THADA: variants seen among roughly 807,000 people sequenced by gnomAD.
THADA encodes the protein THADA armadillo repeat containing, also known as tRNA (32-2'-O)-methyltransferase regulator THADA.
A neutral mutation model predicts 219.8 loss-of-function variants in THADA; 213 were observed. That is an observed-to-expected ratio of 0.97 (90% CI 0.87 to 1.09). The LOEUF (loss-of-function observed/expected upper bound fraction) is 1.09, where lower values mean the gene tolerates loss of function less well. Among genes scored for constraint, THADA ranks in the 50% least tolerant of loss-of-function variants. THADA has a pLI of 0.00. For synonymous variants in THADA, 1,018 were observed against 828.9 expected, an observed-to-expected ratio of 1.23 and a Z score of -3.92; for missense variants, 2,956 against 2,311.3, an observed-to-expected ratio of 1.28 and a Z score of -5.72.
chr2:43,498,024 G>C (rs1192167169), intron 25 of THADA, among the ~76,000 whole-genome samples: 1 of 152,060 alleles, frequency 6.6e-6, no homozygotes, highest in Non-Finnish European at 1.5e-5. Flanking sequence ...ATTAAAAAAA[G>C]AAAATGTGGG....
chr2:43,588,885 GATTAA>G (rs1574392209), intron 4 of THADA, among the ~76,000 whole-genome samples: 1 of 152,004 alleles, frequency 6.6e-6, no homozygotes, highest in East Asian at 1.9e-4. Context: ...ATGGGGAAGT[GATTAA>G]ATTACTTTAT....
chr2:43,389,545 C>A (rs1422801454), intron 29 of THADA, among the ~76,000 whole-genome samples: 1 of 152,104 alleles, frequency 6.6e-6, no homozygotes, highest in East Asian at 1.9e-4. Flanking sequence ...TCTTGCAAAC[C>A]CCACTTTGAA....
At chr2:43,284,324 C>T (rs1234710799) in intron 35 of THADA, among the ~76,000 whole-genome samples, 1 of 152,170 alleles carries the variant, frequency 6.6e-6, no homozygotes, top group Non-Finnish European at 1.5e-5. Flanking sequence ...AGGCCCAGGG[C>T]CCAGCTGCTC....
intron 26 of THADA, among the ~76,000 whole-genome samples, chr2:43,460,494 A>T (rs1308872375): frequency 1.3e-5 from 2 of 152,166 alleles, no homozygotes; most frequent in African/African-American, 4.8e-5. Context: ...AAAGGTACTC[A>T]GTGGTTCTGA....
At position 43,508,712 on chromosome 2, in the gene THADA, C is replaced by T. The variant is rs1215474172; in HGVS notation, c.3443G>A (p.Cys1148Tyr). 1.9e-6 allele frequency: 3 copies of T among 1,613,744 alleles called. No homozygotes were observed. The highest frequency in any genetic ancestry group is 2.2e-5 in the East Asian group (1 of 44,876). ...WLWSVLEEIKCSDPSSKLCAT... is the reference protein window; with the variant it reads ...WLWSVLEEIKYSDPSSKLCAT... ...ACAGAGTTTAGATGAAGGATCACTGCATTTAATTTCCTCTAAAACACTCCA... is the reference window on the plus strand; with the variant it reads ...ACAGAGTTTAGATGAAGGATCACTGTATTTAATTTCCTCTAAAACACTCCA... The change falls in exon 23 of 38, where the codon TGC (cysteine) becomes TAC (tyrosine). Residue 1148 changes from cysteine to tyrosine, a missense_variant. Cys to Tyr is a radical substitution (Grantham distance 194, BLOSUM62 -2). Coordinates refer to ENST00000405975, the MANE Select transcript of THADA (RefSeq NM_022065.5).
At chr2:43,479,475 A>G (rs1452366283) in intron 26 of THADA, among the ~76,000 whole-genome samples, 1 of 152,176 alleles carries the variant, frequency 6.6e-6, no homozygotes, top group Non-Finnish European at 1.5e-5. Context: ...AATTAAAGAT[A>G]TCAATGAAAG....
intron 31 of THADA, among the ~76,000 whole-genome samples, chr2:43,307,566 G>T (rs1234054781): frequency 6.6e-6 from 1 of 152,220 alleles, no homozygotes; most frequent in East Asian, 1.9e-4. Context: ...TAACACATGG[G>T]ACATCATGTA....
intron 24 of THADA, among the ~76,000 whole-genome samples, chr2:43,503,224 A>T (rs1558867969): frequency 1.3e-5 from 2 of 152,230 alleles, no homozygotes; most frequent in Admixed American, 6.5e-5. Context: ...TATAACCTGG[A>T]GAAACACTCA....
At chr2:43,530,035 G>A (rs1574101462) in intron 21 of THADA, among the ~76,000 whole-genome samples, 1 of 152,006 alleles carries the variant, frequency 6.6e-6, no homozygotes, top group Admixed American at 6.6e-5. Context: ...AACTAAAGAC[G>A]TAATCCACAC....
intron 25 of THADA, among the ~76,000 whole-genome samples, chr2:43,490,432 T>A (rs1220148323): frequency 6.6e-6 from 1 of 152,198 alleles, no homozygotes; most frequent in African/African-American, 2.4e-5. Context: ...GAGAAAGATT[T>A]CAGTCCTTTA....
intron 29 of THADA, among the ~76,000 whole-genome samples, chr2:43,344,759 G>GTTTTTTTTTTTTTTTTTTTTTTTTTT (rs1242915350): frequency 6.7e-6 from 1 of 149,324 alleles, no homozygotes; most frequent in African/African-American, 2.5e-5. Flanking sequence ...ACTATTTAGG[G>GTTTTTTTTTTTTTTTTTTTTTTTTTT]TTTTTTTTGT....
chr2:43,298,720 A>AT (rs1553377576), intron 31 of THADA, among the ~76,000 whole-genome samples: 2 of 152,018 alleles, frequency 1.3e-5, no homozygotes, highest in Non-Finnish European at 2.9e-5. Context: ...ACCCAGACCC[A>AT]TTTTTCTGGT....
intron 13 of THADA, 24 bp from the exon 14 acceptor site, chr2:43,570,534 C>G: frequency 6.3e-7 from 1 of 1,597,582 alleles, no homozygotes. Context: ...GGAAATGAAG[C>G]ACAGGTGAGC....
intron 36 of THADA, among the ~76,000 whole-genome samples, chr2:43,234,942 G>A (rs189679294): frequency 1.3e-5 from 2 of 151,534 alleles, no homozygotes; most frequent in Non-Finnish European, 2.9e-5. Context: ...CAAAGTGCTG[G>A]GATTACAGGT....
chr2:43,304,932 A>G (rs1235044499), intron 31 of THADA, among the ~76,000 whole-genome samples: 3 of 152,172 alleles, frequency 2.0e-5, no homozygotes, highest in African/African-American at 4.8e-5. Flanking sequence ...TCGGCCTCCC[A>G]AAGTGCTGGG....
chr2:43,398,003 G>A lies in THADA; in HGVS notation c.4195C>T (p.Arg1399Trp), dbSNP rs182266798. 7.1e-5 allele frequency: 114 copies of A among 1,613,856 alleles called. No homozygotes were observed. Among genetic ancestry groups the A allele is most frequent in the African/African-American group, 4.5e-4 (34 of 75,034 alleles). The change falls in exon 29 of 38, where the codon CGG becomes TGG. Residue 1399 changes from arginine to tryptophan, a missense_variant. Coordinates refer to ENST00000405975, the MANE Select transcript of THADA (RefSeq NM_022065.5). ...AGTGTCCCATGAATGTGGTTTTGCC[G>A]GAAACACTGGTCAGTGCAGCTGGGG... Reference protein sequence around the residue: ...TLPSCTDQCFRQNHIHGTLLQ... With the variant: ...TLPSCTDQCFWQNHIHGTLLQ...
chr2:43,544,351 A>G (rs371386653), intron 20 of THADA, among the ~76,000 whole-genome samples: 27 of 152,150 alleles, frequency 1.8e-4, no homozygotes, highest in Non-Finnish European at 1.6e-4. Flanking sequence ...TTGACTTGGC[A>G]ATGCGGGCTC....
rs1458351395 is a variant in THADA, at chr2:43,543,614, T to G, written c.3107-2298A>C. Among the ~76,000 whole-genome samples, 15 of 152,324 alleles carry G rather than the reference T, an allele frequency of 9.8e-5. No individual in the cohort carries two copies. In the East Asian group the frequency reaches 2.9e-3, roughly 29 times the overall value. On this transcript the variant is annotated intron_variant, in intron 20 of 37. Transcript: ENST00000405975. Reference sequence around the variant, plus strand: ...TCATTGTGGTTTTGATTTGCATTTCTCTGATGGCCAGTGATGGTGAGCATT... The same window carrying G: ...TCATTGTGGTTTTGATTTGCATTTCGCTGATGGCCAGTGATGGTGAGCATT...
At chr2:43,253,145 T>A (rs1323318671) in intron 36 of THADA, among the ~76,000 whole-genome samples, 3 of 152,088 alleles carry the variant, frequency 2.0e-5, no homozygotes, top group Non-Finnish European at 4.4e-5. Context: ...CTAGAAGATG[T>A]GGTTTTAGGG....
Sources: gnomAD v4.1 joint callset for allele counts (sites outside exome capture counted in the v4.1 genomes callset) on GRCh38, gnomAD v4.1.1 for gene constraint, MANE v1.5 for transcripts, NCBI Gene and HGNC (gene_info 2026-07-23, HGNC 2026-07-21) for gene names.